SLC8A1: variants seen among roughly 807,000 people sequenced by gnomAD.
SLC8A1 encodes the protein sodium/calcium exchanger 1.
In SLC8A1, 18 loss-of-function variants were observed where a neutral mutation model predicts 68.3. The ratio of observed to expected loss-of-function variants is 0.26; its 90% CI spans 0.18 to 0.39. The LOEUF (loss-of-function observed/expected upper bound fraction) is 0.39, where lower values mean the gene tolerates loss of function less well. SLC8A1 is among the 10% of genes least tolerant of loss of function. SLC8A1 has a pLI of 1.00. For synonymous variants in SLC8A1, 475 were observed against 415.5 expected, an observed-to-expected ratio of 1.14 and a Z score of -1.74; for missense variants, 985 against 1,156.7, an observed-to-expected ratio of 0.85 and a Z score of 2.15.
At chr2:40,162,702 C>G (rs574460325) in intron 5 of SLC8A1, among the ~76,000 whole-genome samples, 1 of 152,238 alleles carries the variant, frequency 6.6e-6, no homozygotes, top group South Asian at 2.1e-4. Context: ...GACACCTGAA[C>G]TTGGACACTG....
chr2:40,306,573 G>A (rs1357379782), intron 2 of SLC8A1, among the ~76,000 whole-genome samples: 1 of 152,170 alleles, frequency 6.6e-6, no homozygotes, highest in African/African-American at 2.4e-5. Context: ...AACATTCTTG[G>A]AAATATATAC....
At chr2:40,304,118 A>C (rs2072103299) in intron 2 of SLC8A1, among the ~76,000 whole-genome samples, 1 of 152,212 alleles carries the variant, frequency 6.6e-6, no homozygotes, top group African/African-American at 2.4e-5. Context: ...TATCTCATAA[A>C]CTTTAATAAT....
chr2:40,113,966 C>A (rs562841287), exon 8 of SLC8A1: 1 of 152,730 alleles, frequency 6.5e-6, no homozygotes, highest in African/African-American at 2.4e-5. Flanking sequence ...TGTGCAGAAC[C>A]GTGAACAATA....
intron 2 of SLC8A1, among the ~76,000 whole-genome samples, chr2:40,326,447 TA>T (rs77717603): frequency 0.059 from 8,628 of 146,556 alleles, 213 homozygotes; most frequent in Non-Finnish European, 0.068. Flanking sequence ...AGGGAAGAGA[TA>T]AAAAAAAAAA....
intron 1 of SLC8A1, among the ~76,000 whole-genome samples, chr2:40,446,064 G>T (rs147001037): frequency 6.6e-6 from 1 of 152,198 alleles, no homozygotes; most frequent in Non-Finnish European, 1.5e-5. Flanking sequence ...GAAATGGGAA[G>T]CTAGAGAAGT....
chr2:40,152,957 G>C, intron 6 of SLC8A1, among the ~76,000 whole-genome samples: 1 of 151,984 alleles, frequency 6.6e-6, no homozygotes, highest in Admixed American at 6.6e-5. Flanking sequence ...CTGGGCAATG[G>C]AGGAGACCCC....
intron 2 of SLC8A1, among the ~76,000 whole-genome samples, chr2:40,276,794 T>C (rs778727729): frequency 1.3e-5 from 2 of 152,250 alleles, no homozygotes; most frequent in Non-Finnish European, 2.9e-5. Context: ...TTTATTTCTC[T>C]GCTTTTAAAA....
intron 2 of SLC8A1, among the ~76,000 whole-genome samples, chr2:40,387,943 A>G (rs1220989230): frequency 6.6e-6 from 1 of 150,846 alleles, no homozygotes; most frequent in Non-Finnish European, 1.5e-5. Flanking sequence ...CCTCAAAAAA[A>G]AAAAAAAAAA....
intron 1 of SLC8A1, among the ~76,000 whole-genome samples, chr2:40,461,183 A>T (rs2888679): frequency 0.54 from 82,200 of 152,012 alleles, 22,818 homozygotes; most frequent in Middle Eastern, 0.6. Context: ...TATAAAGTCG[A>T]TACTATTATA....
At chr2:40,445,552 T>C (rs746035173) in intron 1 of SLC8A1, among the ~76,000 whole-genome samples, 1 of 152,230 alleles carries the variant, frequency 6.6e-6, no homozygotes, top group Non-Finnish European at 1.5e-5. Context: ...CATTTAATTT[T>C]ACATGGCCTC....
At chr2:40,400,985 C>G (rs1414028369) in intron 2 of SLC8A1, among the ~76,000 whole-genome samples, 1 of 152,072 alleles carries the variant, frequency 6.6e-6, no homozygotes, top group Admixed American at 6.6e-5. Flanking sequence ...TTTGGTGCCA[C>G]GAGGAGGAGG....
rs189116719 is a variant in SLC8A1 at position 40,244,219 on chromosome 2, C to G, written c.1809-66364G>C. Among the ~76,000 whole-genome samples the G allele has an allele frequency of 1.4e-4, 22 of 152,256 alleles. No individual in the cohort carries two copies. In the East Asian group the frequency reaches 4.3e-3, roughly 29 times the overall value. ...AGGAAGTAAGTAAATACACTGCACTCTTGGTTTAGTGGTGGGAGATACATT... is the reference window on the plus strand; with the variant it reads ...AGGAAGTAAGTAAATACACTGCACTGTTGGTTTAGTGGTGGGAGATACATT... On this transcript the variant is annotated intron_variant, in intron 2 of 7. Coordinates refer to ENST00000406785, the Ensembl canonical transcript of SLC8A1.
At chr2:40,445,158 C>T (rs1559713156) in intron 1 of SLC8A1, among the ~76,000 whole-genome samples, 2 of 152,230 alleles carry the variant, frequency 1.3e-5, no homozygotes, top group Admixed American at 6.5e-5. Flanking sequence ...TTTTTATTCC[C>T]ATTTAATAGA....
chr2:40,272,936 C>T (rs1046896746), intron 2 of SLC8A1, among the ~76,000 whole-genome samples: 1 of 151,984 alleles, frequency 6.6e-6, no homozygotes, highest in Non-Finnish European at 1.5e-5. Context: ...TGCACACACT[C>T]CAAATATTCT....
intron 2 of SLC8A1, among the ~76,000 whole-genome samples, chr2:40,252,915 A>ACATATATACATATGTGTGTATATG (rs2149040604): frequency 7.2e-6 from 1 of 139,584 alleles, no homozygotes; most frequent in Non-Finnish European, 1.5e-5. Flanking sequence ...GTATATGTGT[A>ACATATATACATATGTGTGTATATG]TATATACATA....
intron 6 of SLC8A1, among the ~76,000 whole-genome samples, chr2:40,156,580 A>C (rs2044550636): frequency 6.6e-6 from 1 of 152,122 alleles, no homozygotes; most frequent in East Asian, 1.9e-4. Flanking sequence ...TGCACCTAGG[A>C]AAACAAATTC....
intron 2 of SLC8A1, among the ~76,000 whole-genome samples, chr2:40,190,203 T>C (rs924021919): frequency 6.6e-6 from 1 of 152,186 alleles, no homozygotes; most frequent in Non-Finnish European, 1.5e-5. Flanking sequence ...GTCATCAAAA[T>C]AGCATTAGTT....
chr2:40,360,975 G>T (rs1337490657), intron 2 of SLC8A1, among the ~76,000 whole-genome samples: 1 of 151,928 alleles, frequency 6.6e-6, no homozygotes. Flanking sequence ...TGTAGATCTC[G>T]TGTGGATCTC....
At chr2:40,302,601 T>C (rs1321619891) in intron 2 of SLC8A1, among the ~76,000 whole-genome samples, 1 of 136,938 alleles carries the variant, frequency 7.3e-6, no homozygotes, top group Non-Finnish European at 1.5e-5. Context: ...ATATGTATGA[T>C]ATATATATAT....
Sources: allele counts gnomAD v4.1 joint callset (sites outside exome capture counted in the v4.1 genomes callset), GRCh38; gene constraint gnomAD v4.1.1; transcripts MANE v1.5; gene names NCBI Gene and HGNC (gene_info 2026-07-23, HGNC 2026-07-21).